GALNT11: variants seen among roughly 807,000 people sequenced by gnomAD.
GALNT11 encodes the protein polypeptide N-acetylgalactosaminyltransferase 11, also known as UDP-GalNAc:polypeptide N-acetylgalactosaminyltransferase 11.
In GALNT11, 47 loss-of-function variants were observed where a neutral mutation model predicts 72.7. The observed-to-expected ratio is 0.65, with a 90% CI of 0.51 to 0.82. GALNT11 has a LOEUF of 0.82. GALNT11 is among the 40% of genes least tolerant of loss of function. The pLI is 0.00. For synonymous variants in GALNT11, 270 were observed against 286.6 expected (o/e 0.94, Z 0.58); for missense variants, 677 against 778.4 (o/e 0.87, Z 1.55).
chr7:152,038,168 C>T (rs976532713), intron 1 of GALNT11, among the ~76,000 whole-genome samples: 5 of 152,058 alleles, frequency 3.3e-5, no homozygotes, highest in South Asian at 2.1e-4. Context: ...TACCCAGCGG[C>T]GCTAGAGGAA....
intron 1 of GALNT11, among the ~76,000 whole-genome samples, chr7:152,032,204 T>G (rs915623927): frequency 5.9e-5 from 9 of 152,180 alleles, no homozygotes; most frequent in African/African-American, 2.2e-4. Context: ...GTGGCCTAGA[T>G]CTTGGGCCAG....
chr7:152,047,963 A>G (rs1197906872), intron 1 of GALNT11, among the ~76,000 whole-genome samples: 1 of 151,924 alleles, frequency 6.6e-6, no homozygotes, highest in Admixed American at 6.6e-5. Flanking sequence ...GTACTCTAAT[A>G]TGCTGTGTTT....
intron 1 of GALNT11, among the ~76,000 whole-genome samples, chr7:152,083,639 T>C (rs956261557): frequency 2.0e-5 from 3 of 152,202 alleles, no homozygotes. Flanking sequence ...ACTAGTTCTT[T>C]TTCCAAAGTT....
chr7:152,102,474 G>A (rs1304964067), intron 3 of GALNT11, among the ~76,000 whole-genome samples: 9 of 151,946 alleles, frequency 5.9e-5, no homozygotes, highest in Non-Finnish European at 1.0e-4. Flanking sequence ...CCAGGGAGTC[G>A]GAGGTTGCAG....
Position 152,118,581 on chromosome 7 carries a change from C to T in GALNT11, c.1453-97C>T, listed in dbSNP as rs774309159. 5.9e-5 allele frequency: 59 copies of T among 994,688 alleles called. No homozygotes were observed. In the East Asian group the frequency reaches 1.3e-3, roughly 22 times the overall value. 61.6% of individuals were successfully genotyped at this position (994,688 alleles called of 1,614,324 possible). A position where few individuals can be genotyped will look rare whatever the true frequency, so the allele number is the denominator to read the frequency against. On this transcript the variant is annotated intron_variant, in intron 9 of 11. Transcript: ENST00000430044. The stretch of plus-strand genomic sequence containing the variant: ...TTATGAGCCTTGGAATTCGTACCTC[C>T]GGAATAACCTTTCACATTTTGCCTG...
intron 1 of GALNT11, among the ~76,000 whole-genome samples, chr7:152,047,651 T>C (rs1563045691): frequency 6.6e-6 from 1 of 151,792 alleles, no homozygotes; most frequent in East Asian, 1.9e-4. Flanking sequence ...GAGCTGTGAT[T>C]GCACCACTGC....
At chr7:152,085,787 C>T (rs1004794255) in intron 1 of GALNT11, among the ~76,000 whole-genome samples, 1 of 152,068 alleles carries the variant, frequency 6.6e-6, no homozygotes, top group Non-Finnish European at 1.5e-5. Flanking sequence ...GATCTTGACT[C>T]ACTGCAACCT....
At chr7:152,070,978 G>A (rs74568736) in intron 1 of GALNT11, among the ~76,000 whole-genome samples, 7,625 of 152,188 alleles carry the variant, frequency 0.05, 645 homozygotes, top group African/African-American at 0.17. Context: ...AAAAGGGGAA[G>A]GGAGTGTGCA....
chr7:152,115,728 T>G (rs1587482645), intron 8 of GALNT11, among the ~76,000 whole-genome samples: 1 of 152,370 alleles, frequency 6.6e-6, no homozygotes, highest in Middle Eastern at 3.4e-3. Context: ...AAACTTACAT[T>G]TACCGCCAGG....
At chr7:152,121,135 T>G (rs1053434404) in intron 11 of GALNT11, among the ~76,000 whole-genome samples, 167 bp downstream of exon 11, 1 of 152,216 alleles carries the variant, frequency 6.6e-6, no homozygotes, top group Non-Finnish European at 1.5e-5. Context: ...TATACTGTAT[T>G]TCTTTCTAGA....
chr7:152,104,975 C>T lies in GALNT11; in HGVS notation c.587-270C>T, dbSNP rs150173038. ...ATACTCATTTCAAACATTCTTTGTGCAAAGCATTGTGCTCGATGCTATGGA... is the reference window on the plus strand; with the variant it reads ...ATACTCATTTCAAACATTCTTTGTGTAAAGCATTGTGCTCGATGCTATGGA... On this transcript the variant is annotated intron_variant, in intron 4 of 11. Transcript: ENST00000430044. 1.7e-3 allele frequency: 365 copies of T among 216,974 alleles called. 3 individuals are homozygous for T. Among genetic ancestry groups the T allele is most frequent in the African/African-American group, 7.8e-3 (341 of 43,958 alleles). The allele number at this position is 216,974 out of a possible 1,614,324, so 13.4% of individuals were successfully genotyped here.
At position 152,103,161 on chromosome 7, in the gene GALNT11, A is replaced by G. The variant is rs1224000686; in HGVS notation, c.469A>G (p.Ile157Val). ...TGACCTGCCAGCTGCTAGTGTTGTT[A>G]TCTGTTTCTATAATGAAGCGTTTTC... ...PPDLPAASVV[I>V]CFYNEAFSAL... is the part of the protein sequence containing the mutation. The change falls in exon 4 of 12, where the codon ATC becomes GTC. Residue 157 changes from isoleucine to valine, a missense_variant. Transcript: ENST00000430044. The G allele has an allele frequency of 6.2e-7, 1 of 1,612,256 alleles. No individual in the cohort carries two copies. Among genetic ancestry groups the G allele is most frequent in the South Asian group, 1.1e-5 (1 of 91,030 alleles).
intron 1 of GALNT11, among the ~76,000 whole-genome samples, chr7:152,039,735 T>C (rs1036450606): frequency 1.3e-5 from 2 of 152,164 alleles, no homozygotes; most frequent in African/African-American, 4.8e-5. Flanking sequence ...TTTGATGGTA[T>C]CCAAATCGGC....
chr7:152,081,178 A>G (rs2085303451), intron 1 of GALNT11, among the ~76,000 whole-genome samples: 1 of 152,232 alleles, frequency 6.6e-6, no homozygotes, highest in African/African-American at 2.4e-5. Flanking sequence ...CTGGAAGATT[A>G]GTGGAATTAA....
chr7:152,091,304 G>A (rs1786229116), intron 1 of GALNT11, among the ~76,000 whole-genome samples: 8 of 151,796 alleles, frequency 5.3e-5, no homozygotes, highest in South Asian at 2.1e-4. Context: ...GCAATGGCGC[G>A]ATCTCGGCTC....
At chr7:152,110,274 T>A (rs1222099544) in intron 6 of GALNT11, among the ~76,000 whole-genome samples, 1 of 152,140 alleles carries the variant, frequency 6.6e-6, no homozygotes, top group Non-Finnish European at 1.5e-5. Flanking sequence ...CCATCAGAAA[T>A]GGTTATAATA....
At chr7:152,098,583 A>T (rs570554851) in intron 2 of GALNT11, among the ~76,000 whole-genome samples, 2 of 152,290 alleles carry the variant, frequency 1.3e-5, no homozygotes, top group South Asian at 4.1e-4. Flanking sequence ...AAGTAAGCTA[A>T]AACAATCTTT....
At chr7:152,030,942 G>A (rs1474421891) in intron 1 of GALNT11, among the ~76,000 whole-genome samples, 2 of 152,038 alleles carry the variant, frequency 1.3e-5, no homozygotes, top group Non-Finnish European at 2.9e-5. Flanking sequence ...CACCTCCTTG[G>A]GTTTTTGCAC....
At chr7:152,057,238 AT>A (rs150462086) in intron 1 of GALNT11, among the ~76,000 whole-genome samples, 12,538 of 148,618 alleles carry the variant, frequency 0.084, 1,626 homozygotes, top group African/African-American at 0.28. Context: ...TCTATTAGTA[AT>A]TTTTTTTTTA....
Sources: allele counts gnomAD v4.1 joint callset (sites outside exome capture counted in the v4.1 genomes callset), GRCh38; gene constraint gnomAD v4.1.1; transcripts MANE v1.5; gene names NCBI Gene and HGNC (gene_info 2026-07-23, HGNC 2026-07-21).